CWC27: variants seen among roughly 807,000 people sequenced by gnomAD.
CWC27 encodes the protein spliceosome-associated protein CWC27 homolog.
Under a neutral mutation model 63.6 loss-of-function variants are expected in CWC27, and 47 were observed. The ratio of observed to expected loss-of-function variants is 0.74; its 90% CI spans 0.58 to 0.94. The LOEUF (loss-of-function observed/expected upper bound fraction) is 0.94. Among genes scored for constraint, CWC27 ranks in the 40% least tolerant of loss-of-function variants. The pLI is 0.00. For synonymous variants in CWC27, 175 were observed against 179.8 expected, an observed-to-expected ratio of 0.97 and a Z score of 0.22; for missense variants, 495 against 554.3, an observed-to-expected ratio of 0.89 and a Z score of 1.07.
intron 11 of CWC27, among the ~76,000 whole-genome samples, chr5:64,929,250 G>A (rs1370148880): frequency 6.6e-6 from 1 of 152,080 alleles, no homozygotes; most frequent in African/African-American, 2.4e-5. Flanking sequence ...GTGGCAATGA[G>A]TACATTTAGC....
intron 11 of CWC27, among the ~76,000 whole-genome samples, chr5:64,929,847 C>T (rs960633951): frequency 4.0e-5 from 6 of 151,516 alleles, no homozygotes; most frequent in Non-Finnish European, 8.8e-5. Flanking sequence ...TATCATATGA[C>T]CCAGCAGTTA....
At chr5:64,982,309 G>A (rs1749342981) in intron 13 of CWC27, among the ~76,000 whole-genome samples, 1 of 151,916 alleles carries the variant, frequency 6.6e-6, no homozygotes, top group Admixed American at 6.6e-5. Flanking sequence ...TGAATGAAGG[G>A]TGAAATGACA....
At chr5:64,778,097 G>T (rs1743524432) in intron 2 of CWC27, among the ~76,000 whole-genome samples, 3 of 152,168 alleles carry the variant, frequency 2.0e-5, no homozygotes, top group African/African-American at 7.2e-5. Context: ...TCTAAAATTT[G>T]AAAACACAAG....
chr5:64,786,565 TA>T lies in CWC27; in HGVS notation c.541del (p.Arg181GlyfsTer2). The T allele has an allele frequency of 3.1e-6, 5 of 1,593,370 alleles. No homozygotes were observed. The highest frequency in any genetic ancestry group is 1.2e-5 in the South Asian group (1 of 86,820). On this transcript the variant is annotated frameshift_variant, in exon 6 of 14. Coordinates refer to ENST00000381070, the MANE Select transcript of CWC27 (RefSeq NM_005869.4). LOFTEE classifies it high-confidence loss of function. ...TTGATGACATCATTCCAAGGGAAATTAAAAGGCTGAAAAAAGAGAAACCAGA... is the reference window on the plus strand; with the variant it reads ...TTGATGACATCATTCCAAGGGAAATTAAAGGCTGAAAAAAGAGAAACCAGA... Reference protein sequence around the residue: ...PFDDIIPREIKRLKKEKPEEE... With the variant: ...PFDDIIPREIXRLKKEKPEEE...
rs148621502 is a variant in CWC27 at position 64,983,491 on chromosome 5, C to T, written c.1256+6253C>T. 1.3e-3 allele frequency among the ~76,000 whole-genome samples: 193 copies of T among 152,324 alleles called. 1 individual carries two copies. Among genetic ancestry groups the T allele is most frequent in the African/African-American group, 3.3e-3 (138 of 41,578 alleles). On this transcript the variant is annotated intron_variant, in intron 13 of 13. Coordinates refer to ENST00000381070, the MANE Select transcript of CWC27 (RefSeq NM_005869.4). ...GGTCCCCGAGTCACACTTTGAGAACCGCTGGGACAAGTCATCTCTGGTCAT... is the reference window on the plus strand; with the variant it reads ...GGTCCCCGAGTCACACTTTGAGAACTGCTGGGACAAGTCATCTCTGGTCAT...
Position 65,017,875 on chromosome 5 carries a change from G to T in CWC27, c.1257-284G>T, listed in dbSNP as rs114625953. Among the ~76,000 whole-genome samples, 1,509 of 152,326 alleles carry T rather than the reference G, an allele frequency of 9.9e-3. 24 individuals are homozygous for T. Among genetic ancestry groups the T allele is most frequent in the African/African-American group, 0.034 (1,431 of 41,556 alleles). ...TTACTTTGAGGAACACTTCTGTATAGAACTCTTTTAACCTCCCAACAGGGG... is the reference window on the plus strand; with the variant it reads ...TTACTTTGAGGAACACTTCTGTATATAACTCTTTTAACCTCCCAACAGGGG... On this transcript the variant is annotated intron_variant, in intron 13 of 13. Coordinates refer to ENST00000381070, the MANE Select transcript of CWC27 (RefSeq NM_005869.4).
intron 7 of CWC27, among the ~76,000 whole-genome samples, chr5:64,794,090 T>C (rs1744173677): frequency 6.6e-6 from 1 of 152,106 alleles, no homozygotes; most frequent in Non-Finnish European, 1.5e-5. Context: ...TTCTTTTCTT[T>C]ATAGATGAGG....
intron 10 of CWC27, among the ~76,000 whole-genome samples, chr5:64,843,496 TCAAA>T (rs919370926): frequency 6.6e-6 from 1 of 152,204 alleles, no homozygotes; most frequent in Non-Finnish European, 1.5e-5. Context: ...AGGTTTAGTC[TCAAA>T]CAAATTCCAC....
At chr5:65,016,553 A>G (rs1371720605) in intron 13 of CWC27, among the ~76,000 whole-genome samples, 1 of 152,170 alleles carries the variant, frequency 6.6e-6, no homozygotes, top group African/African-American at 2.4e-5. Flanking sequence ...TAGATCATCC[A>G]TATATATCAT....
chr5:65,003,556 G>T (rs899923208), intron 13 of CWC27, among the ~76,000 whole-genome samples: 1 of 152,114 alleles, frequency 6.6e-6, no homozygotes, highest in African/African-American at 2.4e-5. Flanking sequence ...TCAGGTATAC[G>T]AGTCCCTTAA....
At chr5:64,860,801 T>C (rs991778913) in intron 10 of CWC27, among the ~76,000 whole-genome samples, 2 of 152,240 alleles carry the variant, frequency 1.3e-5, no homozygotes, top group African/African-American at 4.8e-5. Flanking sequence ...CATCAAAATA[T>C]ATAATTAGTT....
intron 13 of CWC27, among the ~76,000 whole-genome samples, chr5:65,012,526 C>T (rs1406037548): frequency 6.6e-6 from 1 of 152,216 alleles, no homozygotes; most frequent in Non-Finnish European, 1.5e-5. Context: ...AGATTGTTTA[C>T]TTCATGGAAG....
chr5:64,919,105 T>C (rs1747945305), intron 11 of CWC27, among the ~76,000 whole-genome samples: 1 of 152,246 alleles, frequency 6.6e-6, no homozygotes, highest in South Asian at 2.1e-4. Flanking sequence ...TGCTGTACAA[T>C]TTAAAACATT....
chr5:64,802,950 A>C lies in CWC27; in HGVS notation c.781-1279A>C, dbSNP rs77146678. On this transcript the variant is annotated intron_variant, in intron 9 of 13. Transcript: ENST00000381070. ...AAAATGTACTACATTCACAACCAAA[A>C]TTATATGAATTTGCAGGGAATTTTT... Among the ~76,000 whole-genome samples the C allele has an allele frequency of 7.6e-3, 1,160 of 152,290 alleles. 19 individuals carry two copies. Among genetic ancestry groups the C allele is most frequent in the African/African-American group, 0.027 (1,117 of 41,554 alleles).
rs1171839805 is a variant in CWC27, at chr5:64,800,255, A to C, written c.677A>C (p.Lys226Thr). The change falls in exon 8 of 14, where the codon AAG becomes ACG. Residue 226 changes from lysine (K) to threonine (T), a missense_variant. By Grantham distance (78) the Lys-to-Thr change is moderately conservative. Around this residue, in one of 3 missense-constraint regions of CWC27, gnomAD observed 463 missense variants for 498.1 expected, o/e 0.93. Coordinates refer to ENST00000381070, the MANE Select transcript of CWC27 (RefSeq NM_005869.4). ...ATTGTACATTCTTTGCAGAGCATGA[A>C]GGGCAAAAGCAAAAGTAGTCATGAC... ...EEVNRVSQSM[K>T]GKSKSSHDLL... 1 of 1,609,124 alleles carries C rather than the reference A, an allele frequency of 6.2e-7. No homozygotes were observed.
intron 2 of CWC27, among the ~76,000 whole-genome samples, chr5:64,775,271 T>G (rs948000762): frequency 3.9e-5 from 6 of 152,186 alleles, no homozygotes; most frequent in African/African-American, 1.4e-4. Flanking sequence ...TAAAACCAAA[T>G]TTACCAATTT....
At chr5:64,807,621 C>A (rs1744730254) in intron 10 of CWC27, 10 of 1,535,210 alleles carry the variant, frequency 6.5e-6, no homozygotes, top group African/African-American at 2.7e-5. Context: ...ATGCCTGTAT[C>A]TTGACTACTG....
At position 64,789,683 on chromosome 5, in the gene CWC27, C is replaced by T. The variant is rs543655330; in HGVS notation, c.669+663C>T. The stretch of plus-strand genomic sequence containing the variant: ...ATTGCTTGCATCATAATACGCATTA[C>T]TGAAACACGGTGTCATGCCATTGTT... On this transcript the variant is annotated intron_variant, in intron 7 of 13. Coordinates refer to ENST00000381070, the MANE Select transcript of CWC27 (RefSeq NM_005869.4). Among the ~76,000 whole-genome samples the T allele has an allele frequency of 5.3e-5, 8 of 152,192 alleles. No individual in the cohort carries two copies. In the South Asian group the frequency reaches 1.7e-3, roughly 32 times the overall value.
chr5:64,800,932 A>G (rs567094393), intron 8 of CWC27, among the ~76,000 whole-genome samples: 11 of 152,096 alleles, frequency 7.2e-5, no homozygotes, highest in Admixed American at 3.3e-4. Context: ...TTTTAAGACA[A>G]TCTTTTCTTA....
Sources: gnomAD v4.1 joint callset for allele counts (sites outside exome capture counted in the v4.1 genomes callset) on GRCh38, gnomAD v4.1.1 for gene constraint, gnomAD v4.1.1 regional missense constraint, MANE v1.5 for transcripts, NCBI Gene and HGNC (gene_info 2026-07-23, HGNC 2026-07-21) for gene names.